KCNH1: variants seen among roughly 807,000 people sequenced by gnomAD.
KCNH1 encodes voltage-gated delayed rectifier potassium channel KCNH1.
In KCNH1, 27 loss-of-function variants were observed where a neutral mutation model predicts 69.2. That is an observed-to-expected ratio of 0.39 (90% CI 0.29 to 0.54). KCNH1 has a LOEUF of 0.54. KCNH1 is among the 20% of genes least tolerant of loss of function. The pLI is 0.68. For missense variants in KCNH1, 798 were observed against 1,261.6 expected (o/e 0.63, Z 5.57); for synonymous variants, 456 against 487.7 (o/e 0.93, Z 0.86).
At chr1:210,981,372 C>CAA (rs10684074) in intron 6 of KCNH1, among the ~76,000 whole-genome samples, 1,086 of 85,422 alleles carry the variant, frequency 0.013, 27 homozygotes, top group East Asian at 0.035. Flanking sequence ...GTAACAACGA[C>CAA]AAAAAAAAAA....
chr1:210,698,279 G>A (rs575643569), intron 10 of KCNH1, among the ~76,000 whole-genome samples: 3 of 152,212 alleles, frequency 2.0e-5, no homozygotes, highest in East Asian at 3.9e-4. Flanking sequence ...CTGCAGACTG[G>A]CCCCACCAAG....
chr1:211,129,911 T>C (rs946144), intron 1 of KCNH1, among the ~76,000 whole-genome samples: 152,356 of 152,360 alleles, frequency 1, 76,176 homozygotes, highest in Middle Eastern at 1. Flanking sequence ...TGCATGGATT[T>C]TTACTGGCAC....
intron 9 of KCNH1, among the ~76,000 whole-genome samples, chr1:210,785,683 GAT>G (rs1457491854): frequency 6.6e-6 from 1 of 152,100 alleles, no homozygotes; most frequent in East Asian, 1.9e-4. Flanking sequence ...CCCCATTCCT[GAT>G]ATGTCTCTCC....
At chr1:210,983,345 C>T (rs1183102078) in intron 6 of KCNH1, among the ~76,000 whole-genome samples, 1 of 152,144 alleles carries the variant, frequency 6.6e-6, no homozygotes, top group Non-Finnish European at 1.5e-5. Context: ...AGTCCTTGCC[C>T]ACGCCTATGT....
intron 10 of KCNH1, among the ~76,000 whole-genome samples, chr1:210,689,402 G>A (rs887016120): frequency 3.9e-5 from 6 of 152,210 alleles, no homozygotes; most frequent in Non-Finnish European, 8.8e-5. Context: ...CACGCATGGG[G>A]GAAAGGCAGG....
chr1:211,102,004 G>T (rs1312132534), intron 3 of KCNH1, among the ~76,000 whole-genome samples: 2 of 152,174 alleles, frequency 1.3e-5, no homozygotes, highest in African/African-American at 2.4e-5. Context: ...GGGAAGAAAT[G>T]CTGATTCTTT....
In KCNH1 at chr1:211,016,304, C is replaced by A. The variant is rs573692174; in HGVS notation, c.1032+2479G>T. Among the ~76,000 whole-genome samples the A allele has an allele frequency of 3.9e-5, 6 of 152,252 alleles. No homozygotes were observed. In the South Asian group the frequency reaches 1.2e-3, roughly 32 times the overall value. On this transcript the variant is annotated intron_variant, in intron 6 of 10. Coordinates refer to ENST00000271751, the MANE Select transcript of KCNH1 (RefSeq NM_172362.3). ...GGGGAGAAGAACTCTGCTCTGTTAA[C>A]CTACCAGGTAACTGACACATTTTAC...
chr1:210,709,200 G>A (rs1304213026), intron 10 of KCNH1, among the ~76,000 whole-genome samples: 4 of 152,228 alleles, frequency 2.6e-5, no homozygotes, highest in Non-Finnish European at 5.9e-5. Flanking sequence ...AGTGAGCTGA[G>A]ATTGTACCAC....
chr1:210,757,887 G>C (rs1455962067), intron 10 of KCNH1, among the ~76,000 whole-genome samples: 1 of 152,254 alleles, frequency 6.6e-6, no homozygotes, highest in Non-Finnish European at 1.5e-5. Flanking sequence ...GTGGCCAGAG[G>C]CCTGCTGCTC....
intron 7 of KCNH1, among the ~76,000 whole-genome samples, chr1:210,817,834 G>T (rs569909475): frequency 6.6e-6 from 1 of 152,170 alleles, no homozygotes; most frequent in Non-Finnish European, 1.5e-5. Context: ...CTGAACCTTT[G>T]TACCAGTGCT....
chr1:210,759,791 T>G (rs974574177), intron 10 of KCNH1, among the ~76,000 whole-genome samples: 1 of 152,194 alleles, frequency 6.6e-6, no homozygotes, highest in African/African-American at 2.4e-5. Flanking sequence ...TCCCCAATCT[T>G]GCTAGAGAGG....
At chr1:210,703,223 C>T (rs1254805931) in intron 10 of KCNH1, among the ~76,000 whole-genome samples, 2 of 152,042 alleles carry the variant, frequency 1.3e-5, no homozygotes, top group Admixed American at 1.3e-4. Context: ...TAATTTATGA[C>T]AAAAACTGCT....
At chr1:210,836,873 C>A (rs1221722682) in intron 7 of KCNH1, among the ~76,000 whole-genome samples, 1 of 152,178 alleles carries the variant, frequency 6.6e-6, no homozygotes, top group African/African-American at 2.4e-5. Context: ...GGAACCACTG[C>A]TTCAGATTAG....
chr1:211,089,479 C>T (rs1331762879), intron 4 of KCNH1, among the ~76,000 whole-genome samples: 1 of 152,206 alleles, frequency 6.6e-6, no homozygotes, highest in East Asian at 1.9e-4. Context: ...ATTAACAGTA[C>T]TGTGCTCTGA....
chr1:211,110,829 T>A (rs1178203227), intron 1 of KCNH1, among the ~76,000 whole-genome samples: 1 of 152,182 alleles, frequency 6.6e-6, no homozygotes, highest in African/African-American at 2.4e-5. Flanking sequence ...AAACCTCAAC[T>A]AATTAACAGA....
At chr1:210,714,583 C>A (rs2149019745) in intron 10 of KCNH1, among the ~76,000 whole-genome samples, 1 of 152,280 alleles carries the variant, frequency 6.6e-6, no homozygotes. Flanking sequence ...GCAGCATAAT[C>A]ATAAATTACG....
chr1:210,702,487 A>G lies in KCNH1; in HGVS notation c.2113-18349T>C, dbSNP rs535468833. Among the ~76,000 whole-genome samples, 114 of 152,184 alleles carry G rather than the reference A, an allele frequency of 7.5e-4. 1 individual carries two copies. Among genetic ancestry groups the G allele is most frequent in the African/African-American group, 2.6e-3 (110 of 41,552 alleles). ...TTTATTATGTTTTAAATTTTCTGCT[A>G]TCTTATTTTTTAAAACTCAAAAGCT... On this transcript the variant is annotated intron_variant, in intron 10 of 10. Coordinates refer to ENST00000271751, the MANE Select transcript of KCNH1 (RefSeq NM_172362.3).
intron 10 of KCNH1, among the ~76,000 whole-genome samples, chr1:210,726,695 C>A (rs1682599544): frequency 2.0e-5 from 3 of 152,294 alleles, no homozygotes; most frequent in Admixed American, 6.5e-5. Context: ...TTTAATAAAA[C>A]CTTTTTATTA....
At chr1:210,702,148 T>C (rs996911293) in intron 10 of KCNH1, among the ~76,000 whole-genome samples, 1 of 152,214 alleles carries the variant, frequency 6.6e-6, no homozygotes, top group African/African-American at 2.4e-5. Context: ...CTGTATCACT[T>C]TGGAAGATTT....
Sources: gnomAD v4.1 joint callset for allele counts (sites outside exome capture counted in the v4.1 genomes callset) on GRCh38, gnomAD v4.1.1 for gene constraint, MANE v1.5 for transcripts, NCBI Gene and HGNC (gene_info 2026-07-23, HGNC 2026-07-21) for gene names.